LRP1B: variants seen among roughly 807,000 people sequenced by gnomAD.
LRP1B encodes low-density lipoprotein receptor-related protein 1B.
A neutral mutation model predicts 556.6 loss-of-function variants in LRP1B; 217 were observed. The observed-to-expected ratio is 0.39, with a 90% CI of 0.35 to 0.44. The LOEUF is 0.44. Among genes scored for constraint, LRP1B ranks in the 20% least tolerant of loss-of-function variants. The pLI is 1.00. For synonymous variants in LRP1B, 2,047 were observed against 1,865.8 expected (o/e 1.10, Z -2.50); for missense variants, 5,053 against 5,620.8 (o/e 0.90, Z 3.23).
chr2:141,174,129 C>G (rs1220441510), intron 7 of LRP1B, among the ~76,000 whole-genome samples: 1 of 152,012 alleles, frequency 6.6e-6, no homozygotes, highest in African/African-American at 2.4e-5. Context: ...AAGTCCAAGA[C>G]TCCAAATCTG....
intron 2 of LRP1B, among the ~76,000 whole-genome samples, chr2:141,699,991 C>T (rs980535373): frequency 1.3e-5 from 2 of 151,126 alleles, no homozygotes; most frequent in Non-Finnish European, 3.0e-5. Context: ...TGTCATGGAA[C>T]TCTACCTTTG....
At chr2:141,063,943 T>A (rs1699409579) in intron 7 of LRP1B, among the ~76,000 whole-genome samples, 1 of 151,994 alleles carries the variant, frequency 6.6e-6, no homozygotes, top group Non-Finnish European at 1.5e-5. Context: ...GATAGCATTA[T>A]GAAGCAGGCA....
chr2:141,960,231 A>G (rs369959542), intron 1 of LRP1B, among the ~76,000 whole-genome samples: 1 of 151,742 alleles, frequency 6.6e-6, no homozygotes, highest in Non-Finnish European at 1.5e-5. Flanking sequence ...CAAAGATGCT[A>G]ATTGATTTTT....
chr2:141,952,824 G>T (rs943514889), intron 1 of LRP1B, among the ~76,000 whole-genome samples: 2 of 151,998 alleles, frequency 1.3e-5, no homozygotes, highest in Non-Finnish European at 2.9e-5. Context: ...GAAAAAATAA[G>T]TTCATTGTGT....
intron 32 of LRP1B, among the ~76,000 whole-genome samples, chr2:140,799,397 C>A (rs1690426562): frequency 6.6e-6 from 1 of 152,132 alleles, no homozygotes; most frequent in Non-Finnish European, 1.5e-5. Context: ...AGAGCCCTCA[C>A]CAGGAACCAA....
At chr2:141,953,951 A>C in intron 1 of LRP1B, among the ~76,000 whole-genome samples, 1 of 152,132 alleles carries the variant, frequency 6.6e-6, no homozygotes, top group East Asian at 1.9e-4. Context: ...ATATGGTAAT[A>C]ACTTGTCAAT....
At chr2:140,849,693 C>A (rs1471918067) in intron 29 of LRP1B, among the ~76,000 whole-genome samples, 1 of 151,980 alleles carries the variant, frequency 6.6e-6, no homozygotes, top group Non-Finnish European at 1.5e-5. Flanking sequence ...GTGTGCACCA[C>A]CACATTTGGC....
chr2:140,315,021 C>G lies in LRP1B; in HGVS notation c.12719G>C (p.Trp4240Ser), dbSNP rs1684459030. The change falls in exon 83 of 91, where the codon TGG (tryptophan) becomes TCG (serine). Residue 4240 changes from tryptophan (W) to serine (S), a missense_variant. Physicochemically the swap from Trp to Ser is radical, Grantham distance 177 (BLOSUM62 -3). Transcript: ENST00000389484. ...NEKGDLRCHCWPSYSGERCEV... is the reference protein window; with the variant it reads ...NEKGDLRCHCSPSYSGERCEV... ...ACATCTTTCTCCTGAATAACTGGGCCAACAGTGACACCTCAAATCACCTTT... is the reference window on the plus strand; with the variant it reads ...ACATCTTTCTCCTGAATAACTGGGCGAACAGTGACACCTCAAATCACCTTT... 3 of 1,611,654 alleles carry G rather than the reference C, an allele frequency of 1.9e-6. No homozygotes were observed. The highest frequency in any genetic ancestry group is 1.7e-6 in the Non-Finnish European group (2 of 1,178,638).
chr2:141,334,156 A>C (rs1266071416), intron 3 of LRP1B, among the ~76,000 whole-genome samples: 1 of 152,174 alleles, frequency 6.6e-6, no homozygotes, highest in Admixed American at 6.5e-5. Context: ...TTACTGAATG[A>C]TATGGTTTGG....
intron 3 of LRP1B, among the ~76,000 whole-genome samples, chr2:141,381,854 C>T (rs1689655016): frequency 6.6e-6 from 1 of 152,138 alleles, no homozygotes; most frequent in Admixed American, 6.6e-5. Flanking sequence ...AGGGCACCTG[C>T]TTATATCCTT....
At chr2:140,533,597 T>G (rs934883398) in intron 47 of LRP1B, among the ~76,000 whole-genome samples, 1 of 152,160 alleles carries the variant, frequency 6.6e-6, no homozygotes, top group African/African-American at 2.4e-5. Context: ...ACTGGAAGAT[T>G]TGTTGATGAC....
intron 25 of LRP1B, among the ~76,000 whole-genome samples, chr2:140,869,420 CACA>C (rs900791798): frequency 3.2e-4 from 48 of 152,004 alleles, no homozygotes; most frequent in African/African-American, 1.1e-3. Flanking sequence ...ATAAAAAACC[CACA>C]ACAATAGTGA....
At position 140,668,920 on chromosome 2, in the gene LRP1B, T is replaced by C. The variant is rs147667300; in HGVS notation, c.6799+31330A>G. On this transcript the variant is annotated intron_variant, in intron 41 of 90. Coordinates refer to ENST00000389484, the MANE Select transcript of LRP1B (RefSeq NM_018557.3). Reference sequence around the variant, plus strand: ...ACTAAAAATTGTATATTAAAGGTATTTATGTAAAACCAATGGGATAATGAA... The same window carrying C: ...ACTAAAAATTGTATATTAAAGGTATCTATGTAAAACCAATGGGATAATGAA... Among the ~76,000 whole-genome samples the C allele has an allele frequency of 2.4e-3, 369 of 152,248 alleles. 1 individual carries two copies. Among genetic ancestry groups the C allele is most frequent in the African/African-American group, 8.5e-3 (354 of 41,542 alleles).
At position 140,837,683 on chromosome 2, in the gene LRP1B, A is replaced by G. The variant is rs189586672; in HGVS notation, c.5209+2308T>C. On this transcript the variant is annotated intron_variant, in intron 31 of 90. Coordinates refer to ENST00000389484, the MANE Select transcript of LRP1B (RefSeq NM_018557.3). ...AAACCATCATTCTCAGCAAACTATC[A>G]CCAAGGACAAAAAACCAAACACCGC... Among the ~76,000 whole-genome samples the G allele has an allele frequency of 5.5e-3, 832 of 152,002 alleles. 8 individuals carry two copies. Among genetic ancestry groups the G allele is most frequent in the African/African-American group, 0.019 (802 of 41,496 alleles).
chr2:140,868,875 C>T (rs1057155731), intron 25 of LRP1B, among the ~76,000 whole-genome samples: 2 of 152,006 alleles, frequency 1.3e-5, no homozygotes, highest in African/African-American at 4.8e-5. Context: ...TATATACAGA[C>T]ATAGTGACAG....
At chr2:140,610,617 G>A (rs185887251) in intron 41 of LRP1B, among the ~76,000 whole-genome samples, 101 of 152,144 alleles carry the variant, frequency 6.6e-4, no homozygotes, top group African/African-American at 2.2e-3. Context: ...ACGGAATCTC[G>A]CTCTGTCGCC....
chr2:142,000,153 A>T (rs1162826834), intron 1 of LRP1B, among the ~76,000 whole-genome samples: 2 of 152,160 alleles, frequency 1.3e-5, no homozygotes, highest in Admixed American at 6.6e-5. Context: ...CCTTAAGGAC[A>T]CATATTGTAT....
At chr2:141,964,564 C>A (rs1558990806) in intron 1 of LRP1B, among the ~76,000 whole-genome samples, 1 of 151,896 alleles carries the variant, frequency 6.6e-6, no homozygotes, top group Non-Finnish European at 1.5e-5. Context: ...GAAACTGGAT[C>A]CCTTCCTTAC....
In LRP1B at chr2:140,714,930, G is replaced by A. The variant is rs142483537; in HGVS notation, c.6023+1043C>T. Among the ~76,000 whole-genome samples the A allele has an allele frequency of 1.2e-4, 19 of 152,140 alleles. No homozygotes were observed. In the East Asian group the frequency reaches 2.7e-3, roughly 22 times the overall value. On this transcript the variant is annotated intron_variant, in intron 37 of 90. Coordinates refer to ENST00000389484, the MANE Select transcript of LRP1B (RefSeq NM_018557.3). Reference sequence around the variant, plus strand: ...ATAATGTATACAATAAAAATACTAGGTGCTTATGGGGCCATACAACAATCT... The same window carrying A: ...ATAATGTATACAATAAAAATACTAGATGCTTATGGGGCCATACAACAATCT...
Sources: allele counts gnomAD v4.1 joint callset (sites outside exome capture counted in the v4.1 genomes callset), GRCh38; gene constraint gnomAD v4.1.1; transcripts MANE v1.5; gene names NCBI Gene and HGNC (gene_info 2026-07-23, HGNC 2026-07-21).